Variants in RHAG observed in about 807,000 individuals in gnomAD.
RHAG encodes the protein Rh associated glycoprotein.
RHAG carries 25 observed loss-of-function variants against 42.4 expected under a neutral mutation model. The observed-to-expected ratio is 0.59, with a 90% CI of 0.43 to 0.82. The LOEUF (loss-of-function observed/expected upper bound fraction) is 0.82, where lower values mean the gene tolerates loss of function less well. Among genes scored for constraint, RHAG ranks in the 40% least tolerant of loss-of-function variants. The pLI is 0.00. For missense variants in RHAG, 483 were observed against 504.6 expected (o/e 0.96, Z 0.41); for synonymous variants, 182 against 177.7 (o/e 1.02, Z -0.19).
At chr6:49,616,489 AT>A (rs1171824589) in intron 3 of RHAG, among the ~76,000 whole-genome samples, 5 of 152,010 alleles carry the variant, frequency 3.3e-5, no homozygotes, top group African/African-American at 9.7e-5. Context: ...TTTTACCCAT[AT>A]TTTTTTAATT....
At chr6:49,628,319 C>A (rs1762874783) in intron 1 of RHAG, among the ~76,000 whole-genome samples, 1 of 151,976 alleles carries the variant, frequency 6.6e-6, no homozygotes. Flanking sequence ...TTTTTATTTT[C>A]TGTTTTGTAG....
chr6:49,615,398 T>C, intron 4 of RHAG: 1 of 386,626 alleles, frequency 2.6e-6, no homozygotes, highest in East Asian at 4.8e-5. Flanking sequence ...TTATTATTAT[T>C]ATTATTATTT....
At chr6:49,623,869 G>T (rs1004844090) in intron 1 of RHAG, among the ~76,000 whole-genome samples, 5 of 152,140 alleles carry the variant, frequency 3.3e-5, no homozygotes, top group Admixed American at 3.3e-4. Flanking sequence ...AACAGAAAAT[G>T]CTGGCTTGAT....
intron 3 of RHAG, among the ~76,000 whole-genome samples, chr6:49,616,714 G>A (rs1026604110): frequency 1.3e-5 from 2 of 152,166 alleles, no homozygotes; most frequent in South Asian, 2.1e-4. Context: ...GGGTCTCCTA[G>A]TTGTTGTTCC....
chr6:49,610,850 C>T (rs1232445768), intron 7 of RHAG, among the ~76,000 whole-genome samples, 174 bp downstream of exon 7: 1 of 152,104 alleles, frequency 6.6e-6, no homozygotes, highest in Non-Finnish European at 1.5e-5. Flanking sequence ...AGTTAAAATG[C>T]CTCTTCCAAT....
intron 3 of RHAG, among the ~76,000 whole-genome samples, chr6:49,617,602 T>G (rs1342878451): frequency 6.6e-6 from 1 of 152,102 alleles, no homozygotes; most frequent in Non-Finnish European, 1.5e-5. Context: ...TATTTATTTA[T>G]TATTCCTGGG....
At chr6:49,622,076 G>A (rs1388132508) in intron 1 of RHAG, among the ~76,000 whole-genome samples, 5 of 150,932 alleles carry the variant, frequency 3.3e-5, no homozygotes, top group Admixed American at 2.6e-4. Flanking sequence ...TTGGCTCTGC[G>A]TCTCCACCCA....
chr6:49,615,895 G>A, intron 3 of RHAG, 124 bp from the exon 4 acceptor site: 1 of 947,088 alleles, frequency 1.1e-6, no homozygotes, highest in Admixed American at 1.9e-5. Context: ...GGGACAGAAA[G>A]ATTGTGTCAG....
chr6:49,618,274 C>A, intron 2 of RHAG, 56 bp from the exon 3 acceptor site: 3 of 1,595,814 alleles, frequency 1.9e-6, no homozygotes, highest in South Asian at 1.1e-5. Context: ...TAAAACTGAC[C>A]AAAGTGCAAT....
chr6:49,620,268 A>G (rs1203667656), intron 1 of RHAG, among the ~76,000 whole-genome samples: 1 of 152,208 alleles, frequency 6.6e-6, no homozygotes, highest in Non-Finnish European at 1.5e-5. Flanking sequence ...TCCAAGTGGG[A>G]TCACCTGTGT....
At chr6:49,629,572 G>A (rs1562019822) in intron 1 of RHAG, among the ~76,000 whole-genome samples, 1 of 152,132 alleles carries the variant, frequency 6.6e-6, no homozygotes, top group South Asian at 2.1e-4. Flanking sequence ...TTGGGTGGTC[G>A]ATGGGACTGG....
At chr6:49,627,491 T>C (rs928977536) in intron 1 of RHAG, among the ~76,000 whole-genome samples, 29 of 152,216 alleles carry the variant, frequency 1.9e-4, no homozygotes, top group Non-Finnish European at 7.3e-5. Flanking sequence ...TGTCTTCCTC[T>C]GAGCCCTCCA....
intron 1 of RHAG, among the ~76,000 whole-genome samples, chr6:49,635,810 T>A (rs888112211): frequency 5.3e-5 from 8 of 152,216 alleles, no homozygotes; most frequent in African/African-American, 1.9e-4. Context: ...AGACATATGC[T>A]ATGAAGTATA....
chr6:49,608,718 A>G (rs755585249), intron 7 of RHAG, among the ~76,000 whole-genome samples: 4 of 152,126 alleles, frequency 2.6e-5, no homozygotes, highest in Non-Finnish European at 4.4e-5. Flanking sequence ...AAATTGTACA[A>G]TTTATATTCC....
intron 7 of RHAG, among the ~76,000 whole-genome samples, chr6:49,609,127 A>G (rs949278540): frequency 6.6e-6 from 1 of 152,220 alleles, no homozygotes; most frequent in Non-Finnish European, 1.5e-5. Context: ...TATTCTGAAT[A>G]GACACATGTA....
chr6:49,605,517 A>G lies in RHAG; in HGVS notation c.*296T>C. ...GTTTACTCTGTATTTACTCACTGCC[A>G]AAAGCTTTTTGGGAATCCTGGAGAA... is the stretch of plus-strand genomic sequence containing the variant. On this transcript the variant is annotated 3_prime_UTR_variant, in exon 10 of 10. Coordinates refer to ENST00000371175, the MANE Select transcript of RHAG (RefSeq NM_000324.3). 1 of 472,912 alleles carries G rather than the reference A, an allele frequency of 2.1e-6. No individual in the cohort carries two copies. The highest frequency in any genetic ancestry group is 3.9e-6 in the Non-Finnish European group (1 of 258,254). 29.3% of individuals were successfully genotyped at this position (472,912 alleles called of 1,614,324 possible).
rs539253412 is a variant in RHAG at position 49,610,234 on chromosome 6, C to T, written c.1067+790G>A. Among the ~76,000 whole-genome samples the T allele has an allele frequency of 9.9e-4, 150 of 152,226 alleles. 1 individual carries two copies. Among genetic ancestry groups the T allele is most frequent in the African/African-American group, 3.5e-3 (145 of 41,538 alleles). On this transcript the variant is annotated intron_variant, in intron 7 of 9. Transcript: ENST00000371175. ...ACATGTATCCAGAACTTAAAGTACA[C>T]ACAATTTAAAAAAATTGAGCATTCT... is the stretch of plus-strand genomic sequence containing the variant.
chr6:49,620,405 C>T (rs1762733720), intron 1 of RHAG, among the ~76,000 whole-genome samples: 1 of 152,066 alleles, frequency 6.6e-6, no homozygotes, highest in East Asian at 1.9e-4. Flanking sequence ...TATGGATAAA[C>T]CATATATGAG....
At position 49,615,777 on chromosome 6, in the gene RHAG, G is replaced by A. The variant is rs1377972819; in HGVS notation, c.493-6C>T. On this transcript the variant is annotated splice_polypyrimidine_tract_variant and splice_region_variant and intron_variant, in intron 3 of 9. Coordinates refer to ENST00000371175, the MANE Select transcript of RHAG (RefSeq NM_000324.3). ...GATGCTCCAATGTCAGAGGCCTGAGGGACAAAATAGCATTCACATAAATAG... is the reference window on the plus strand; with the variant it reads ...GATGCTCCAATGTCAGAGGCCTGAGAGACAAAATAGCATTCACATAAATAG... 1.2e-6 allele frequency: 2 copies of A among 1,613,792 alleles called. No individual in the cohort carries two copies. Among genetic ancestry groups the A allele is most frequent in the Non-Finnish European group, 1.7e-6 (2 of 1,179,822 alleles).
Sources: allele counts gnomAD v4.1 joint callset (sites outside exome capture counted in the v4.1 genomes callset), GRCh38; gene constraint gnomAD v4.1.1; transcripts MANE v1.5; gene names NCBI Gene and HGNC (gene_info 2026-07-23, HGNC 2026-07-21).